PVR: variants seen among roughly 807,000 people sequenced by gnomAD.
PVR encodes poliovirus receptor.
A neutral mutation model predicts 43.3 loss-of-function variants in PVR; 39 were observed. The observed-to-expected ratio is 0.90, with a 90% CI of 0.70 to 1.18. PVR has a LOEUF of 1.18. PVR is among the 50% of genes most tolerant of loss of function. The pLI, the probability that PVR is intolerant of heterozygous loss-of-function variation, is 0.00. For synonymous variants in PVR, 224 were observed against 233.2 expected, an observed-to-expected ratio of 0.96 and a Z score of 0.36; for missense variants, 480 against 549.7, an observed-to-expected ratio of 0.87 and a Z score of 1.27.
At chr19:44,654,045 G>T (rs1321320523) in intron 4 of PVR, 28 bp downstream of exon 4, 1 of 1,549,790 alleles carries the variant, frequency 6.5e-7, no homozygotes, top group South Asian at 1.1e-5. Context: ...GGGAGGAGGG[G>T]CTGGGGGTCT....
rs1461327215 is a variant in PVR at position 44,664,319 on chromosome 19, C to T, written c.*2508C>T. 6.6e-6 allele frequency: 1 copy of T among 152,036 alleles called. No homozygotes were observed. The highest frequency in any genetic ancestry group is 1.9e-4 in the East Asian group (1 of 5,170). 9.4% of individuals were successfully genotyped at this position (152,036 alleles called of 1,614,324 possible). ...GACCTGCTGGGCTCGGGCTATCCTT[C>T]CATCTCAGCCTCCCGAGTAGCTGGG... On this transcript the variant is annotated 3_prime_UTR_variant, in exon 8 of 8. Transcript: ENST00000425690.
Position 44,661,310 on chromosome 19 carries a change from C to T in PVR, c.1169C>T (p.Ala390Val), listed in dbSNP as rs143321959. The T allele has an allele frequency of 7.4e-6, 12 of 1,613,944 alleles. No homozygotes were observed. Among genetic ancestry groups the T allele is most frequent in the Non-Finnish European group, 1.0e-5 (12 of 1,179,924 alleles). The change falls in exon 7 of 8, where the codon GCC (alanine) becomes GTC (valine). Residue 390 changes from alanine to valine, a missense_variant. Coordinates refer to ENST00000425690, the MANE Select transcript of PVR (RefSeq NM_006505.5). ...TCCCCAGGTACAGAGCATGCCAGCG[C>T]CTCAGCTAATGGGGTAAGTGCAGTG... ...LCPSSTEHAS[A>V]SANGHVSYSA...
intron 4 of PVR, among the ~76,000 whole-genome samples, chr19:44,654,770 T>C (rs3786495): frequency 0.15 from 22,999 of 152,218 alleles, 3,387 homozygotes; most frequent in African/African-American, 0.38. Flanking sequence ...CATTAGCTAT[T>C]GTTAGTGTTA....
chr19:44,658,795 G>A lies in PVR; in HGVS notation c.1045G>A (p.Val349Ile), dbSNP rs1276359910. 4 of 1,613,302 alleles carry A rather than the reference G, an allele frequency of 2.5e-6. No homozygotes were observed. The highest frequency in any genetic ancestry group is 2.2e-5 in the East Asian group (1 of 44,886). ...GMSRNAIIFL[V>I]LGILVFLILL... ...GTCCCGTAACGCCATCATCTTCCTG[G>A]TTCTGGGAATCCTGGTTTTTCTGAT... Residue 349 changes from valine to isoleucine, a missense_variant, in exon 6 of 8, where the codon GTT (valine) becomes ATT (isoleucine). Transcript: ENST00000425690.
intron 4 of PVR, among the ~76,000 whole-genome samples, chr19:44,655,093 G>A (rs1376068270): frequency 6.6e-6 from 1 of 152,004 alleles, no homozygotes; most frequent in Admixed American, 6.6e-5. Context: ...TTACTGAACC[G>A]CCCTTTTTTT....
intron 4 of PVR, 39 bp from the exon 5 acceptor site, chr19:44,657,723 G>C (rs900397778): frequency 1.2e-6 from 2 of 1,610,464 alleles, no homozygotes; most frequent in Non-Finnish European, 8.5e-7. Flanking sequence ...CTCCGGACCT[G>C]CAGCAGAGGC....
In PVR at chr19:44,662,193, C is replaced by CTATTTTTT; in HGVS notation, c.*382_*383insTATTTTTT. The CTATTTTTT allele has an allele frequency of 4.3e-6, 1 of 230,206 alleles. No individual in the cohort carries two copies. Among genetic ancestry groups the CTATTTTTT allele is most frequent in the Non-Finnish European group, 8.8e-6 (1 of 113,870 alleles). The allele number at this position is 230,206 out of a possible 1,614,324, so 14.3% of individuals were successfully genotyped here. A position where few individuals can be genotyped will look rare whatever the true frequency, so the allele number is the denominator to read the frequency against. Reference sequence around the variant, plus strand: ...ACCTGATTCTCACAGCAACATGTGACAACATGCAAGAAGTACTGCCAATAC... The same window carrying CTATTTTTT: ...ACCTGATTCTCACAGCAACATGTGACTATTTTTTAACATGCAAGAAGTACTGCCAATAC... On this transcript the variant is annotated 3_prime_UTR_variant, in exon 8 of 8. Coordinates refer to ENST00000425690, the MANE Select transcript of PVR (RefSeq NM_006505.5).
rs1161407174 is a variant in PVR at position 44,662,954 on chromosome 19, G to A, written c.*1143G>A. 6.6e-6 allele frequency: 1 copy of A among 152,208 alleles called. No individual in the cohort carries two copies. Among genetic ancestry groups the A allele is most frequent in the Non-Finnish European group, 1.5e-5 (1 of 68,046 alleles). The allele number at this position is 152,208 out of a possible 1,614,324, so 9.4% of individuals were successfully genotyped here. ...AGGAGCAGAGAAAACTACTAGATGT[G>A]AACTTGAAGAAGGTTGTCAGCTGCA... On this transcript the variant is annotated 3_prime_UTR_variant, in exon 8 of 8. Coordinates refer to ENST00000425690, the MANE Select transcript of PVR (RefSeq NM_006505.5).
chr19:44,647,077 T>TCCCCCACCCCCCCCACCC, intron 1 of PVR, 146 bp from the exon 2 acceptor site: 1 of 311,372 alleles, frequency 3.2e-6, no homozygotes, highest in Non-Finnish European at 5.7e-6. Flanking sequence ...GTGCCCCAGT[T>TCCCCCACCCCCCCCACCC]CCCCCTCCCC....
At position 44,653,975 on chromosome 19, in the gene PVR, A is replaced by G; in HGVS notation, c.800A>G (p.Asp267Gly). 6.2e-7 allele frequency: 1 copy of G among 1,614,196 alleles called. No homozygotes were observed. Among genetic ancestry groups the G allele is most frequent in the Non-Finnish European group, 8.5e-7 (1 of 1,180,008 alleles). Residue 267 changes from aspartate to glycine, a missense_variant, in exon 4 of 8, where the codon GAT becomes GGT. Asp to Gly is a moderately conservative substitution (Grantham distance 94). Transcript: ENST00000425690. ...CAGAATGAGGCCACCCTGACCTGCG[A>G]TGCTCGCAGCAACCCAGAGCCCACA... ...LGQNEATLTCDARSNPEPTGY... is the reference protein window; with the variant it reads ...LGQNEATLTCGARSNPEPTGY...
At chr19:44,661,657 C>A in intron 7 of PVR, 83 bp from the exon 8 acceptor site, 1 of 1,297,654 alleles carries the variant, frequency 7.7e-7, no homozygotes, top group Non-Finnish European at 1.1e-6. Context: ...GCCTGCAGTT[C>A]TTTGCACATG....
chr19:44,661,120 C>T (rs1231151232), intron 6 of PVR, among the ~76,000 whole-genome samples, 172 bp from the exon 7 acceptor site: 2 of 152,152 alleles, frequency 1.3e-5, no homozygotes, highest in East Asian at 3.9e-4. Context: ...CCTTAGAAAG[C>T]ACACCCTCCA....
Position 44,650,151 on chromosome 19 carries a change from CCCCCA to C in PVR, c.724+49_724+53del, listed in dbSNP as rs1973240512. ...GATGGCAAGAACCCCTGCCGGGCTG[CCCCCA>C]CCACTGTCTACACTGACTCCCCAAG... On this transcript the variant is annotated intron_variant, in intron 3 of 7. Transcript: ENST00000425690. 2.0e-6 allele frequency: 3 copies of C among 1,485,122 alleles called. No individual in the cohort carries two copies. In the East Asian group the frequency reaches 7.0e-5, roughly 35 times the overall value. The allele number at this position is 1,485,122 out of a possible 1,614,324, so 92.0% of individuals were successfully genotyped here.
rs538361201 is a variant in PVR at position 44,649,167 on chromosome 19, G to A, written c.428-642G>A. On this transcript the variant is annotated intron_variant, in intron 2 of 7. Coordinates refer to ENST00000425690, the MANE Select transcript of PVR (RefSeq NM_006505.5). Reference sequence around the variant, plus strand: ...GTCATCACTGCCTAGGAAAGAGTCCGTCTGCCCCCTTGGACTGTGTACCCA... The same window carrying A: ...GTCATCACTGCCTAGGAAAGAGTCCATCTGCCCCCTTGGACTGTGTACCCA... 3.3e-5 allele frequency among the ~76,000 whole-genome samples: 5 copies of A among 152,266 alleles called. No individual in the cohort carries two copies. The East Asian group carries it at 5.8e-4, about 18-fold the overall frequency.
Position 44,664,591 on chromosome 19 carries a change from A to G in PVR, c.*2780A>G, listed in dbSNP as rs553224540. 2.6e-5 allele frequency: 4 copies of G among 152,100 alleles called. No individual in the cohort carries two copies. The highest frequency in any genetic ancestry group is 1.9e-4 in the East Asian group (1 of 5,186). 9.4% of individuals were successfully genotyped at this position (152,100 alleles called of 1,614,324 possible). A position where few individuals can be genotyped will look rare whatever the true frequency, so the allele number is the denominator to read the frequency against. ...TTGTTCTACACCCACCTCATATTCCATGGGAGGGCTGTACAGGGCTTTTTT... is the reference window on the plus strand; with the variant it reads ...TTGTTCTACACCCACCTCATATTCCGTGGGAGGGCTGTACAGGGCTTTTTT... On this transcript the variant is annotated 3_prime_UTR_variant, in exon 8 of 8. Transcript: ENST00000425690.
chr19:44,659,416 C>G (rs541180932), intron 6 of PVR, among the ~76,000 whole-genome samples: 5 of 152,196 alleles, frequency 3.3e-5, no homozygotes, highest in Non-Finnish European at 7.3e-5. Flanking sequence ...TTGCTGAGCA[C>G]TGTCTACATG....
At chr19:44,658,058 A>T (rs1973500338) in intron 5 of PVR, 148 bp downstream of exon 5, 2 of 788,912 alleles carry the variant, frequency 2.5e-6, no homozygotes, top group African/African-American at 1.8e-5. Flanking sequence ...TGTTAACTCC[A>T]TACCTATATC....
chr19:44,647,218 C>T lies in PVR; in HGVS notation c.80-5C>T, dbSNP rs930575095. On this transcript the variant is annotated splice_polypyrimidine_tract_variant and splice_region_variant and intron_variant, in intron 1 of 7. Coordinates refer to ENST00000425690, the MANE Select transcript of PVR (RefSeq NM_006505.5). ...GTCTGACACCTTCTCTTCGGTTCTC[C>T]GCAGGGGACGTCGTCGTGCAGGCGC... 4 of 1,531,556 alleles carry T rather than the reference C, an allele frequency of 2.6e-6. No homozygotes were observed. The highest frequency in any genetic ancestry group is 1.4e-5 in the African/African-American group (1 of 72,716). The allele number at this position is 1,531,556 out of a possible 1,614,324, so 94.9% of individuals were successfully genotyped here.
At position 44,663,818 on chromosome 19, in the gene PVR, G is replaced by A. The variant is rs574619048; in HGVS notation, c.*2007G>A. On this transcript the variant is annotated 3_prime_UTR_variant, in exon 8 of 8. Coordinates refer to ENST00000425690, the MANE Select transcript of PVR (RefSeq NM_006505.5). The stretch of plus-strand genomic sequence containing the variant: ...CACCCAGGCTGGAGTGCAATGGCAC[G>A]ATCATAGCTCATTGCAGCCTCTAAC... Among the ~76,000 whole-genome samples the A allele has an allele frequency of 6.6e-5, 10 of 152,066 alleles. No individual in the cohort carries two copies. The highest frequency in any genetic ancestry group is 4.6e-4 in the Admixed American group (7 of 15,270).
Sources: gnomAD v4.1 joint callset for allele counts (sites outside exome capture counted in the v4.1 genomes callset) on GRCh38, gnomAD v4.1.1 for gene constraint, MANE v1.5 for transcripts, NCBI Gene and HGNC (gene_info 2026-07-23, HGNC 2026-07-21) for gene names.